CELSR3: variants seen among roughly 807,000 people sequenced by gnomAD.
CELSR3 encodes cadherin EGF LAG seven-pass G-type receptor 3.
CELSR3 carries 73 observed loss-of-function variants against 270.0 expected under a neutral mutation model. The observed-to-expected ratio is 0.27, with a 90% CI of 0.22 to 0.33. CELSR3 has a LOEUF of 0.33. Among genes scored for constraint, CELSR3 ranks in the 10% least tolerant of loss-of-function variants. The pLI, the probability that CELSR3 is intolerant of heterozygous loss-of-function variation, is 1.00. For synonymous variants in CELSR3, 1,780 were observed against 1,905.4 expected (o/e 0.93, Z 1.71); for missense variants, 3,614 against 4,533.8 (o/e 0.80, Z 5.83).
chr3:48,641,401 G>A lies in CELSR3; in HGVS notation c.8948C>T (p.Ala2983Val), dbSNP rs2047025177. The A allele has an allele frequency of 2.5e-6, 4 of 1,612,452 alleles. No individual in the cohort carries two copies. The South Asian group carries it at 3.3e-5, about 13-fold the overall frequency. Residue 2983 changes from alanine to valine, a missense_variant, in exon 33 of 35, where the codon GCT becomes GTT. By Grantham distance (64) the Ala-to-Val change is moderately conservative. Coordinates refer to ENST00000164024, the MANE Select transcript of CELSR3 (RefSeq NM_001407.3). The surrounding 1 kb of genome is among the most constrained non-coding windows in gnomAD (Gnocchi z 4.8). ...RLGLDTSKDA[A>V]NNNQPDPALT... ...GGCCGGGTCTGGCTGGTTGTTGTTA[G>A]CTGCATCCTTGCTGGTGTCCAGCCC...
chr3:48,641,850 C>T lies in CELSR3; in HGVS notation c.8824+1G>A, dbSNP rs1467660419. ...CCAAGGGGTCAGAGGGCGCCTGGCA[C>T]CTTTGGGGTGGGTGAGGAGCCTCTC... is the stretch of plus-strand genomic sequence containing the variant. On this transcript the variant is annotated splice_donor_variant, in intron 32 of 34. Coordinates refer to ENST00000164024, the MANE Select transcript of CELSR3 (RefSeq NM_001407.3). LOFTEE classifies it high-confidence loss of function. This position sits in a 1 kb window ranked among gnomAD's most constrained non-coding sequence, Gnocchi z 4.8. The T allele has an allele frequency of 1.4e-6, 2 of 1,463,520 alleles. No homozygotes were observed. The highest frequency in any genetic ancestry group is 1.8e-6 in the Non-Finnish European group (2 of 1,105,938). The allele number at this position is 1,463,520 out of a possible 1,614,324, so 90.7% of individuals were successfully genotyped here.
chr3:48,662,704 G>C lies in CELSR3; in HGVS notation c.-70C>G, dbSNP rs2077079006. 1.5e-6 allele frequency: 1 copy of C among 650,812 alleles called. No homozygotes were observed. Among genetic ancestry groups the C allele is most frequent in the Non-Finnish European group, 2.1e-6 (1 of 475,348 alleles). 40.3% of individuals were successfully genotyped at this position (650,812 alleles called of 1,614,324 possible). ...GGGCCTTGGGCTGGCCCCGCCGCTC[G>C]GGCCCCCTCCCGGGCCCCTGCCGCC... On this transcript the variant is annotated 5_prime_UTR_variant, in exon 1 of 35. Coordinates refer to ENST00000164024, the MANE Select transcript of CELSR3 (RefSeq NM_001407.3). The surrounding 1 kb of genome is among the most constrained non-coding windows in gnomAD (Gnocchi z 7.1).
chr3:48,661,088 C>A lies in CELSR3; in HGVS notation c.1547G>T (p.Ser516Ile). ...MESYELVVEA[S>I]DQGQEPGPRS... ...CGGCCCGGGTTCCTGGCCCTGGTCG[C>A]TGGCTTCCACCACCAGCTCATAGCT... is the stretch of plus-strand genomic sequence containing the variant. Residue 516 changes from serine (S) to isoleucine (I), a missense_variant, in exon 1 of 35, where the codon AGC becomes ATC. Ser to Ile is a moderately radical substitution (Grantham distance 142). Coordinates refer to ENST00000164024, the MANE Select transcript of CELSR3 (RefSeq NM_001407.3). 1 of 1,613,376 alleles carries A rather than the reference C, an allele frequency of 6.2e-7. No homozygotes were observed. Among genetic ancestry groups the A allele is most frequent in the Non-Finnish European group, 8.5e-7 (1 of 1,179,932 alleles).
Position 48,651,343 on chromosome 3 carries a change from C to T in CELSR3, c.6186+16G>A, listed in dbSNP as rs1310218552. 4 of 1,613,620 alleles carry T rather than the reference C, an allele frequency of 2.5e-6. No individual in the cohort carries two copies. The highest frequency in any genetic ancestry group is 2.5e-6 in the Non-Finnish European group (3 of 1,179,784). Reference sequence around the variant, plus strand: ...TGCGTCCAAGGAAGGGTTAAAAGGTCAGGGGCCAGGCGCACCTTGCAGTGA... The same window carrying T: ...TGCGTCCAAGGAAGGGTTAAAAGGTTAGGGGCCAGGCGCACCTTGCAGTGA... On this transcript the variant is annotated intron_variant, in intron 14 of 34. Transcript: ENST00000164024. This position sits in a 1 kb window ranked among gnomAD's most constrained non-coding sequence, Gnocchi z 7.4.
At position 48,651,563 on chromosome 3, in the gene CELSR3, C is replaced by A; in HGVS notation, c.6065+14G>T. 6.3e-7 allele frequency: 1 copy of A among 1,586,992 alleles called. No individual in the cohort carries two copies. Among genetic ancestry groups the A allele is most frequent in the Non-Finnish European group, 8.6e-7 (1 of 1,163,876 alleles). On this transcript the variant is annotated intron_variant, in intron 13 of 34. Coordinates refer to ENST00000164024, the MANE Select transcript of CELSR3 (RefSeq NM_001407.3). This position sits in a 1 kb window ranked among gnomAD's most constrained non-coding sequence, Gnocchi z 7.4. ...CTGCCAGGTCTCCCCATCGCCTCAG[C>A]CCCAGCCTCTTACCTGTGCTCACAG...
Position 48,655,481 on chromosome 3 carries a change from A to G in CELSR3, c.4742-87T>C. On this transcript the variant is annotated intron_variant, in intron 4 of 34. Transcript: ENST00000164024. The surrounding 1 kb of genome is among the most constrained non-coding windows in gnomAD (Gnocchi z 5.8). ...TATAAGCACAACCATTCCCAGGGCC[A>G]CCCTGGATGCATCAGATCAGTCCCC... 7.6e-6 allele frequency: 10 copies of G among 1,320,710 alleles called. No homozygotes were observed. Among genetic ancestry groups the G allele is most frequent in the Non-Finnish European group, 1.1e-5 (10 of 922,130 alleles). 81.8% of individuals were successfully genotyped at this position (1,320,710 alleles called of 1,614,324 possible).
rs368456582 is a variant in CELSR3, at chr3:48,655,345, G to A, written c.4791C>T (p.Asp1597=). The A allele has an allele frequency of 4.1e-5, 66 of 1,613,938 alleles. No homozygotes were observed. The highest frequency in any genetic ancestry group is 5.3e-5 in the Non-Finnish European group (62 of 1,179,988). The part of the protein sequence containing the change: ...VSPTVPGGLS[D]GQWHTVHLRY... ...TCAGATGCACTGTATGCCATTGCCC[G>A]TCACTCAAGCCCCCTGGAACTGTGG... Residue 1597 remains aspartate, a synonymous_variant, in exon 5 of 35, where the codon GAC becomes GAT. Coordinates refer to ENST00000164024, the MANE Select transcript of CELSR3 (RefSeq NM_001407.3). The surrounding 1 kb of genome is among the most constrained non-coding windows in gnomAD (Gnocchi z 5.8).
Position 48,642,255 on chromosome 3 carries a change from C to T in CELSR3, c.8665+103G>A, listed in dbSNP as rs1290762507. 22 of 1,261,730 alleles carry T rather than the reference C, an allele frequency of 1.7e-5. No individual in the cohort carries two copies. The highest frequency in any genetic ancestry group is 2.7e-4 in the Middle Eastern group (1 of 3,654). 78.2% of individuals were successfully genotyped at this position (1,261,730 alleles called of 1,614,324 possible). ...CTGAGGCAGGGACCCTGGGGGAGATCGTCCCACCCCAGTCAGCCACTGCTC... is the reference window on the plus strand; with the variant it reads ...CTGAGGCAGGGACCCTGGGGGAGATTGTCCCACCCCAGTCAGCCACTGCTC... On this transcript the variant is annotated intron_variant, in intron 31 of 34. Coordinates refer to ENST00000164024, the MANE Select transcript of CELSR3 (RefSeq NM_001407.3). The surrounding 1 kb of genome is among the most constrained non-coding windows in gnomAD (Gnocchi z 6.1).
In CELSR3 at chr3:48,659,382, C is replaced by T; in HGVS notation, c.3253G>A (p.Val1085Met). 6 of 1,614,224 alleles carry T rather than the reference C, an allele frequency of 3.7e-6. No homozygotes were observed. Among genetic ancestry groups the T allele is most frequent in the Non-Finnish European group, 5.1e-6 (6 of 1,180,044 alleles). The change falls in exon 1 of 35, where the codon GTG (valine) becomes ATG (methionine). Residue 1085 changes from valine to methionine, a missense_variant. Val to Met is a conservative substitution (Grantham distance 21). Coordinates refer to ENST00000164024, the MANE Select transcript of CELSR3 (RefSeq NM_001407.3). This position sits in a 1 kb window ranked among gnomAD's most constrained non-coding sequence, Gnocchi z 8.1. ...RVKENSIVGSVVAQITAVDPD... is the reference protein window; with the variant it reads ...RVKENSIVGSMVAQITAVDPD... Reference sequence around the variant, plus strand: ...TCCACTGCAGTGATCTGGGCCACCACTGAGCCCACAATGCTATTCTCTTTC... The same window carrying T: ...TCCACTGCAGTGATCTGGGCCACCATTGAGCCCACAATGCTATTCTCTTTC...
Position 48,645,906 on chromosome 3 carries a change from G to A in CELSR3, c.7464-38C>T. 1 of 1,582,386 alleles carries A rather than the reference G, an allele frequency of 6.3e-7. No individual in the cohort carries two copies. Among genetic ancestry groups the A allele is most frequent in the Non-Finnish European group, 8.6e-7 (1 of 1,161,010 alleles). On this transcript the variant is annotated intron_variant, in intron 22 of 34. Transcript: ENST00000164024. This position sits in a 1 kb window ranked among gnomAD's most constrained non-coding sequence, Gnocchi z 5.4. ...GGCAGTTAGACACAACTGTGACCCA[G>A]TGTCAGGCAGGGGTTTGTGAGAGAT...
rs1017180509 is a variant in CELSR3 at position 48,652,302 on chromosome 3, C to G, written c.5751+135G>C. On this transcript the variant is annotated intron_variant, in intron 11 of 34. Coordinates refer to ENST00000164024, the MANE Select transcript of CELSR3 (RefSeq NM_001407.3). The surrounding 1 kb of genome is among the most constrained non-coding windows in gnomAD (Gnocchi z 4.3). ...CTCCAATGCCACAGAAAGGCTTGAC[C>G]TAGCTCTCAACTCTGGGTCATTCAC... 7.7e-5 allele frequency: 62 copies of G among 804,162 alleles called. No homozygotes were observed. Among genetic ancestry groups the G allele is most frequent in the Non-Finnish European group, 4.4e-5 (21 of 476,770 alleles). The allele number at this position is 804,162 out of a possible 1,614,324, so 49.8% of individuals were successfully genotyped here. A position where few individuals can be genotyped will look rare whatever the true frequency, so the allele number is the denominator to read the frequency against.
Position 48,662,618 on chromosome 3 carries a change from G to A in CELSR3, c.17C>T (p.Pro6Leu), listed in dbSNP as rs765790020. The A allele has an allele frequency of 1.4e-6, 2 of 1,430,752 alleles. No individual in the cohort carries two copies. Among genetic ancestry groups the A allele is most frequent in the East Asian group, 5.0e-5 (2 of 39,776 alleles). 88.6% of individuals were successfully genotyped at this position (1,430,752 alleles called of 1,614,324 possible). The change falls in exon 1 of 35, where the codon CCG (proline) becomes CTG (leucine). Residue 6 changes from proline (P) to leucine (L), a missense_variant. Pro to Leu is a moderately conservative substitution (Grantham distance 98, BLOSUM62 -3). This residue lies in a region of CELSR3 where 470 missense variants were observed against 469.7 expected (regional missense o/e 1.00). Coordinates refer to ENST00000164024, the MANE Select transcript of CELSR3 (RefSeq NM_001407.3). This position sits in a 1 kb window ranked among gnomAD's most constrained non-coding sequence, Gnocchi z 7.1. Reference protein sequence around the residue: MMARRPPWRGLGGRST... With the variant: MMARRLPWRGLGGRST... ...CCGTCCCCCGAGGCCCCGCCACGGCGGCCGCCTCGCCATCATCCCCCGCCT... is the reference window on the plus strand; with the variant it reads ...CCGTCCCCCGAGGCCCCGCCACGGCAGCCGCCTCGCCATCATCCCCCGCCT...
rs776618992 is a variant in CELSR3, at chr3:48,662,379, C to G, written c.256G>C (p.Val86Leu). The G allele has an allele frequency of 1.9e-6, 3 of 1,613,012 alleles. No individual in the cohort carries two copies. Among genetic ancestry groups the G allele is most frequent in the Admixed American group, 3.3e-5 (2 of 60,028 alleles). ...CTTTGCCTTCTCCCTCGGAGCCCCA[C>G]GAAGATAGGCTCCCTGACCCCCAGG... ...PGLGVREPIF[V>L]GLRGRRQSAR... The change falls in exon 1 of 35, where the codon GTG becomes CTG. Residue 86 changes from valine (V) to leucine (L), a missense_variant. This residue lies in a region of CELSR3 where 470 missense variants were observed against 469.7 expected (regional missense o/e 1.00). Coordinates refer to ENST00000164024, the MANE Select transcript of CELSR3 (RefSeq NM_001407.3). The surrounding 1 kb of genome is among the most constrained non-coding windows in gnomAD (Gnocchi z 7.1).
In CELSR3 at chr3:48,658,534, T is replaced by A. The variant is rs2077040792; in HGVS notation, c.3748+353A>T. 6.6e-6 allele frequency among the ~76,000 whole-genome samples: 1 copy of A among 152,186 alleles called. No individual in the cohort carries two copies. The highest frequency in any genetic ancestry group is 1.5e-5 in the Non-Finnish European group (1 of 68,016). Reference sequence around the variant, plus strand: ...GTAACCCTTCGTCTGAACATGGGCATAGTGTGGACTGACTGGCCCATACTG... The same window carrying A: ...GTAACCCTTCGTCTGAACATGGGCAAAGTGTGGACTGACTGGCCCATACTG... On this transcript the variant is annotated intron_variant, in intron 1 of 34. Transcript: ENST00000164024. This position sits in a 1 kb window ranked among gnomAD's most constrained non-coding sequence, Gnocchi z 4.7.
At position 48,647,945 on chromosome 3, in the gene CELSR3, C is replaced by T. The variant is rs2047101746; in HGVS notation, c.7025G>A (p.Arg2342His). The part of the protein sequence containing the change: ...EHPSSPRGAR[R>H]YPRYHSNLFR... ...GAGGTTGCTATGGTAGCGAGGGTAG[C>T]GACGGGCCCCCCGGGGAGAACTGGG... The change falls in exon 20 of 35, where the codon CGC becomes CAC. Residue 2342 changes from arginine (R) to histidine (H), a missense_variant. Coordinates refer to ENST00000164024, the MANE Select transcript of CELSR3 (RefSeq NM_001407.3). The T allele has an allele frequency of 3.1e-6, 5 of 1,612,080 alleles. No individual in the cohort carries two copies. Among genetic ancestry groups the T allele is most frequent in the African/African-American group, 1.3e-5 (1 of 74,898 alleles).
chr3:48,644,065 G>A lies in CELSR3; in HGVS notation c.8165+151C>T. 2 of 646,682 alleles carry A rather than the reference G, an allele frequency of 3.1e-6. No homozygotes were observed. Among genetic ancestry groups the A allele is most frequent in the Non-Finnish European group, 5.5e-6 (2 of 364,176 alleles). 40.1% of individuals were successfully genotyped at this position (646,682 alleles called of 1,614,324 possible). A position where few individuals can be genotyped will look rare whatever the true frequency, so the allele number is the denominator to read the frequency against. ...GCTACAGTATAGCGAGGGCGCCAGA[G>A]AGGGACCACAGGTCAGGGCAGGTGT... On this transcript the variant is annotated intron_variant, in intron 27 of 34. Transcript: ENST00000164024. This position sits in a 1 kb window ranked among gnomAD's most constrained non-coding sequence, Gnocchi z 4.8.
In CELSR3 at chr3:48,636,530, A is replaced by T. The variant is rs1415516042; in HGVS notation, c.*1675T>A. On this transcript the variant is annotated 3_prime_UTR_variant, in exon 35 of 35. Transcript: ENST00000164024. ...ACGGAACAATTTACACAGACAGGAA[A>T]GAGGGCCGCTGGGCTGGAGGAGGGG... 1 of 152,234 alleles carries T rather than the reference A, an allele frequency of 6.6e-6. No homozygotes were observed. Among genetic ancestry groups the T allele is most frequent in the Non-Finnish European group, 1.5e-5 (1 of 68,052 alleles). 9.4% of individuals were successfully genotyped at this position (152,234 alleles called of 1,614,324 possible). A position where few individuals can be genotyped will look rare whatever the true frequency, so the allele number is the denominator to read the frequency against.
chr3:48,639,945 G>C lies in CELSR3; in HGVS notation c.9640C>G (p.Arg3214Gly), dbSNP rs763267447. 1.2e-6 allele frequency: 2 copies of C among 1,612,814 alleles called. No homozygotes were observed. The highest frequency in any genetic ancestry group is 2.7e-5 in the African/African-American group (2 of 74,930). ...TGCGGGAGTGGCCCAAGGGCTTCTC[G>C]TGAGGGGTGCCGGCTAGGCACCTGG... ...LDQVPSRHPS[R>G]EALGPLPQLL... The change falls in exon 34 of 35, where the codon CGA becomes GGA. Residue 3214 changes from arginine to glycine, a missense_variant. This residue lies in a region of CELSR3 where 1,240 missense variants were observed against 1,351.7 expected (regional missense o/e 0.92). Coordinates refer to ENST00000164024, the MANE Select transcript of CELSR3 (RefSeq NM_001407.3). The surrounding 1 kb of genome is among the most constrained non-coding windows in gnomAD (Gnocchi z 4.1).
In CELSR3 at chr3:48,646,036, G is replaced by A. The variant is rs1431592214; in HGVS notation, c.7463+54C>T. ...CCCCAGGGGAAGGCTGGGACTATTA[G>A]TTGGCCTCCCAAGGGCTAACGGGAC... is the stretch of plus-strand genomic sequence containing the variant. On this transcript the variant is annotated intron_variant, in intron 22 of 34. Coordinates refer to ENST00000164024, the MANE Select transcript of CELSR3 (RefSeq NM_001407.3). The surrounding 1 kb of genome is among the most constrained non-coding windows in gnomAD (Gnocchi z 4.8). 2.5e-6 allele frequency: 4 copies of A among 1,599,428 alleles called. No individual in the cohort carries two copies. Among genetic ancestry groups the A allele is most frequent in the Admixed American group, 3.4e-5 (2 of 58,334 alleles).
Sources: allele counts gnomAD v4.1 joint callset (sites outside exome capture counted in the v4.1 genomes callset), GRCh38; gene constraint gnomAD v4.1.1; regional missense constraint gnomAD v4.1.1; non-coding constraint Gnocchi (gnomAD v3.1); transcripts MANE v1.5; gene names NCBI Gene and HGNC (gene_info 2026-07-23, HGNC 2026-07-21).